The following DNAAF5 variants were observed in gnomAD, a reference collection of about 807,000 sequenced individuals.
DNAAF5 encodes the protein dynein axonemal assembly factor 5.
Under a neutral mutation model 75.8 loss-of-function variants are expected in DNAAF5, and 64 were observed. The ratio of observed to expected loss-of-function variants is 0.84; its 90% confidence interval spans 0.69 to 1.04. DNAAF5 has a LOEUF of 1.04. Ranked by LOEUF, DNAAF5 falls within the 50% of genes least tolerant of loss-of-function variation. DNAAF5 has a pLI of 0.00. For synonymous variants in DNAAF5, 657 were observed against 557.2 expected, an observed-to-expected ratio of 1.18 and a Z score of -2.52; for missense variants, 1,269 against 1,178.5, an observed-to-expected ratio of 1.08 and a Z score of -1.12.
rs528358157 is a variant in DNAAF5 at position 774,285 on chromosome 7, T to C, written c.2082+87T>C. The C allele has an allele frequency of 1.1e-5, 15 of 1,380,768 alleles. No individual in the cohort carries two copies. In the South Asian group the frequency reaches 2.0e-4, roughly 18 times the overall value. The allele number at this position is 1,380,768 out of a possible 1,614,324, so 85.5% of individuals were successfully genotyped here. A position where few individuals can be genotyped will look rare whatever the true frequency, so the allele number is the denominator to read the frequency against. ...CCGGCAGAGCTCCCGCAGCAGGAAC[T>C]TGGGCAGGCAGCAGCTGCACCTCCA... On this transcript the variant is annotated intron_variant, in intron 10 of 12. Transcript: ENST00000297440.
At chr7:785,101 C>G (rs1029597250) in intron 12 of DNAAF5, among the ~76,000 whole-genome samples, 1 of 151,652 alleles carries the variant, frequency 6.6e-6, no homozygotes, top group Non-Finnish European at 1.5e-5. Flanking sequence ...TCAGGTCGCT[C>G]GTGTCCACAC....
intron 8 of DNAAF5, chr7:768,915 T>C: frequency 3.7e-6 from 2 of 539,856 alleles, no homozygotes; most frequent in Non-Finnish European, 6.7e-6. Flanking sequence ...AGCGTGGTTC[T>C]CGTGGCAGGG....
At chr7:734,930 AGTTGCTCATATT>A (rs1052494448) in intron 2 of DNAAF5, among the ~76,000 whole-genome samples, 1 of 151,430 alleles carries the variant, frequency 6.6e-6, no homozygotes, top group Admixed American at 6.6e-5. Context: ...CTCATATTGT[AGTTGCTCATATT>A]GTTGCTCATA....
intron 8 of DNAAF5, among the ~76,000 whole-genome samples, chr7:765,754 G>A (rs950905478): frequency 6.6e-6 from 1 of 152,186 alleles, no homozygotes; most frequent in Non-Finnish European, 1.5e-5. Context: ...AGGCTGGAGT[G>A]CAGTGGTACG....
chr7:735,374 A>C (rs1388262162), intron 2 of DNAAF5, among the ~76,000 whole-genome samples: 1 of 137,620 alleles, frequency 7.3e-6, no homozygotes, highest in Non-Finnish European at 1.5e-5. Flanking sequence ...CTCATATTGT[A>C]GTTGCTCATA....
At chr7:768,667 C>T (rs11547676) in intron 8 of DNAAF5, 99,772 of 155,620 alleles carry the variant, frequency 0.64, 32,314 homozygotes, top group African/African-American at 0.71. Context: ...CAGAAGTGTC[C>T]GTGCTGCAAG....
chr7:769,081 A>G, intron 8 of DNAAF5: 3 of 718,238 alleles, frequency 4.2e-6, no homozygotes, highest in Non-Finnish European at 7.7e-6. Flanking sequence ...AGCAGCGAGT[A>G]CATTGCGTCT....
At chr7:769,352 C>T in intron 8 of DNAAF5, 1 of 623,486 alleles carries the variant, frequency 1.6e-6, no homozygotes, top group East Asian at 2.7e-5. Context: ...GGAGACGCTG[C>T]AGGGACTCTC....
At chr7:757,160 A>G (rs565899395) in intron 6 of DNAAF5, among the ~76,000 whole-genome samples, 166 bp downstream of exon 6, 54 of 152,332 alleles carry the variant, frequency 3.5e-4, no homozygotes, top group Non-Finnish European at 4.3e-4. Context: ...AGGCCGGGCC[A>G]TCGGAAACAC....
At chr7:743,369 C>T (rs1159018996) in intron 4 of DNAAF5, among the ~76,000 whole-genome samples, 1 of 90,152 alleles carries the variant, frequency 1.1e-5, no homozygotes, top group Non-Finnish European at 2.4e-5. Flanking sequence ...AGTGAGACCC[C>T]GTTTAAAACA....
chr7:727,205 C>T lies in DNAAF5; in HGVS notation c.485C>T (p.Pro162Leu). ...GACCTGTGCGGCGCCGCGCTCGCGCCCCACCTGGACGACGCTCTGCGCGCG... is the reference window on the plus strand; with the variant it reads ...GACCTGTGCGGCGCCGCGCTCGCGCTCCACCTGGACGACGCTCTGCGCGCG... ...AVDLCGAALA[P>L]HLDDALRALR... Residue 162 changes from proline to leucine, a missense_variant, in exon 1 of 13, where the codon CCC (proline) becomes CTC (leucine). Pro to Leu is a moderately conservative substitution (Grantham distance 98). Transcript: ENST00000297440. The T allele has an allele frequency of 3.0e-6, 4 of 1,348,582 alleles. No individual in the cohort carries two copies. The highest frequency in any genetic ancestry group is 3.8e-6 in the Non-Finnish European group (4 of 1,048,252). The allele number at this position is 1,348,582 out of a possible 1,614,324, so 83.5% of individuals were successfully genotyped here.
Position 726,957 on chromosome 7 carries a change from G to A in DNAAF5, c.237G>A (p.Pro79=), listed in dbSNP as rs2128538246. 7.6e-7 allele frequency: 1 copy of A among 1,323,386 alleles called. No individual in the cohort carries two copies. The highest frequency in any genetic ancestry group is 3.4e-5 in the East Asian group (1 of 29,132). 82.0% of individuals were successfully genotyped at this position (1,323,386 alleles called of 1,614,324 possible). A position where few individuals can be genotyped will look rare whatever the true frequency, so the allele number is the denominator to read the frequency against. ...FQGPWARLLL[P]RLLRCLSDPA... ...GCCCCTGGGCGCGCCTACTGCTGCC[G>A]CGCTTGCTGCGCTGCCTGAGCGACC... The change falls in exon 1 of 13, where the codon CCG becomes CCA. Residue 79 remains proline (P), a synonymous_variant. Transcript: ENST00000297440.
intron 4 of DNAAF5, among the ~76,000 whole-genome samples, chr7:743,315 C>T (rs187663185): frequency 1.3e-3 from 193 of 152,252 alleles, no homozygotes; most frequent in Non-Finnish European, 2.5e-3. Flanking sequence ...GTTGAGGCTG[C>T]GGTGAGCTAT....
chr7:739,541 G>A (rs558678146), intron 2 of DNAAF5, among the ~76,000 whole-genome samples: 41 of 152,340 alleles, frequency 2.7e-4, no homozygotes, highest in African/African-American at 9.6e-4. Flanking sequence ...AATGACCCCG[G>A]CAAACGCGCC....
chr7:762,676 C>T (rs1378833078), intron 7 of DNAAF5, among the ~76,000 whole-genome samples: 7 of 151,886 alleles, frequency 4.6e-5, no homozygotes, highest in South Asian at 2.1e-4. Context: ...TGCAGTGGCG[C>T]GATCTCGGCT....
intron 8 of DNAAF5, among the ~76,000 whole-genome samples, chr7:767,722 G>T (rs550646231): frequency 2.3e-4 from 35 of 150,690 alleles, no homozygotes; most frequent in Admixed American, 2.0e-3. Context: ...GGAAGTGTCC[G>T]TGCTGCGAGG....
intron 6 of DNAAF5, among the ~76,000 whole-genome samples, chr7:759,633 G>A (rs1416132186): frequency 6.6e-6 from 1 of 152,084 alleles, no homozygotes; most frequent in Non-Finnish European, 1.5e-5. Flanking sequence ...TTTTCGTTCT[G>A]TGTGTGTGCG....
Position 783,254 on chromosome 7 carries a change from C to T in DNAAF5, c.2432-2263C>T, listed in dbSNP as rs773376146. Among the ~76,000 whole-genome samples, 3 of 152,386 alleles carry T rather than the reference C, an allele frequency of 2.0e-5. No individual in the cohort carries two copies. In the South Asian group the frequency reaches 6.2e-4, roughly 32 times the overall value. On this transcript the variant is annotated intron_variant, in intron 12 of 12. Coordinates refer to ENST00000297440, the MANE Select transcript of DNAAF5 (RefSeq NM_017802.4). The stretch of plus-strand genomic sequence containing the variant: ...AGCTCTGCTGCACGACCCTGGTCCT[C>T]CGTGTGAAGCGGTGCACCTGGTGCC...
At chr7:760,457 CAT>C (rs1782611463) in intron 6 of DNAAF5, among the ~76,000 whole-genome samples, 1 of 152,084 alleles carries the variant, frequency 6.6e-6, no homozygotes, top group South Asian at 2.1e-4. Context: ...CTTTATGAAA[CAT>C]ACATAAAATA....
Sources: allele counts gnomAD v4.1 joint callset (sites outside exome capture counted in the v4.1 genomes callset), GRCh38; gene constraint gnomAD v4.1.1; transcripts MANE v1.5; gene names NCBI Gene and HGNC (gene_info 2026-07-23, HGNC 2026-07-21).